TDRD5: variants seen among roughly 807,000 people sequenced by gnomAD.
The protein encoded by TDRD5 is tudor domain-containing protein 5.
A neutral mutation model predicts 120.6 loss-of-function variants in TDRD5; 41 were observed. The observed-to-expected ratio is 0.34, with a 90% CI of 0.26 to 0.44. The LOEUF (loss-of-function observed/expected upper bound fraction) is 0.44. Ranked by LOEUF, TDRD5 falls within the 20% of genes least tolerant of loss-of-function variation. TDRD5 has a pLI of 1.00. For synonymous variants in TDRD5, 430 were observed against 433.7 expected, an observed-to-expected ratio of 0.99 and a Z score of 0.11; for missense variants, 1,006 against 1,221.2, an observed-to-expected ratio of 0.82 and a Z score of 2.63.
intron 4 of TDRD5, among the ~76,000 whole-genome samples, chr1:179,617,999 T>G (rs1676648718): frequency 6.6e-6 from 1 of 152,180 alleles, no homozygotes; most frequent in South Asian, 2.1e-4. Flanking sequence ...ACCTCCCTCC[T>G]CTTTCCTTTT....
intron 17 of TDRD5, among the ~76,000 whole-genome samples, chr1:179,689,898 TG>T (rs1681024880): frequency 1.3e-5 from 2 of 152,188 alleles, no homozygotes; most frequent in Non-Finnish European, 2.9e-5. Context: ...CTACGAGTGT[TG>T]GAAAAGTGCA....
chr1:179,592,554 T>C lies in TDRD5; in HGVS notation c.-14-48T>C, dbSNP rs1329002471. On this transcript the variant is annotated intron_variant, in intron 1 of 17. Transcript: ENST00000444136. ...CCACTATTGGTTTTTTTTTAAATCT[T>C]TTTTCGTGGGTTTGCCCCCTTTTCC... 4.1e-6 allele frequency: 6 copies of C among 1,473,658 alleles called. 1 individual carries two copies. In the African/African-American group the frequency reaches 8.4e-5, roughly 21 times the overall value. 91.3% of individuals were successfully genotyped at this position (1,473,658 alleles called of 1,614,324 possible). A position where few individuals can be genotyped will look rare whatever the true frequency, so the allele number is the denominator to read the frequency against.
chr1:179,678,727 A>G (rs772975184), intron 17 of TDRD5, among the ~76,000 whole-genome samples: 14 of 152,154 alleles, frequency 9.2e-5, no homozygotes, highest in Non-Finnish European at 1.0e-4. Flanking sequence ...GTATATAGAA[A>G]TATAGTTGGT....
At chr1:179,647,030 G>T (rs896870482) in intron 11 of TDRD5, among the ~76,000 whole-genome samples, 1 of 150,196 alleles carries the variant, frequency 6.7e-6, no homozygotes, top group African/African-American at 2.5e-5. Flanking sequence ...ACTGCCCAAG[G>T]TAATTTACAG....
intron 4 of TDRD5, among the ~76,000 whole-genome samples, chr1:179,611,260 C>G (rs1198520144): frequency 6.6e-6 from 1 of 151,942 alleles, no homozygotes; most frequent in Non-Finnish European, 1.5e-5. Context: ...TCATGTTGGC[C>G]AGGTTGGTCT....
intron 17 of TDRD5, among the ~76,000 whole-genome samples, chr1:179,678,320 C>T (rs1225211349): frequency 1.3e-5 from 2 of 152,140 alleles, no homozygotes; most frequent in Non-Finnish European, 1.5e-5. Context: ...GAGAATTTGC[C>T]CCAGACCATG....
chr1:179,629,360 A>G (rs1677310603), intron 6 of TDRD5, among the ~76,000 whole-genome samples: 1 of 152,224 alleles, frequency 6.6e-6, no homozygotes, highest in South Asian at 2.1e-4. Flanking sequence ...GAGAATACAT[A>G]TTAGAAGGTC....
At chr1:179,620,937 T>G (rs1455802857) in intron 5 of TDRD5, 98 bp from the exon 6 acceptor site, 9 of 946,148 alleles carry the variant, frequency 9.5e-6, no homozygotes, top group African/African-American at 1.8e-5. Flanking sequence ...TTTAATAATG[T>G]TACTTTTGCC....
At chr1:179,605,361 C>A (rs1437463197) in intron 4 of TDRD5, among the ~76,000 whole-genome samples, 1 of 152,046 alleles carries the variant, frequency 6.6e-6, no homozygotes, top group African/African-American at 2.4e-5. Context: ...GCATTTAGGC[C>A]ATTTGCATTC....
intron 14 of TDRD5, among the ~76,000 whole-genome samples, chr1:179,658,465 A>G (rs562800834): frequency 2.0e-5 from 3 of 152,274 alleles, no homozygotes; most frequent in South Asian, 4.1e-4. Context: ...CAAATCAGCT[A>G]TTTTATCTTA....
intron 16 of TDRD5, among the ~76,000 whole-genome samples, 161 bp from the exon 17 acceptor site, chr1:179,669,033 C>T (rs951189751): frequency 2.0e-5 from 3 of 151,940 alleles, no homozygotes; most frequent in Admixed American, 1.3e-4. Flanking sequence ...CGTGAGCCAC[C>T]GCGCCCGGCT....
intron 6 of TDRD5, among the ~76,000 whole-genome samples, chr1:179,625,946 C>T (rs1203101180): frequency 6.6e-6 from 1 of 151,880 alleles, no homozygotes; most frequent in African/African-American, 2.4e-5. Flanking sequence ...TCATCATTCT[C>T]AGTAAACCAT....
At chr1:179,684,229 G>A (rs1680580765) in intron 17 of TDRD5, among the ~76,000 whole-genome samples, 1 of 152,120 alleles carries the variant, frequency 6.6e-6, no homozygotes, top group African/African-American at 2.4e-5. Flanking sequence ...CCCGGTGTGT[G>A]ATGTTCCCCA....
chr1:179,621,825 CA>C, intron 6 of TDRD5, among the ~76,000 whole-genome samples: 1 of 152,236 alleles, frequency 6.6e-6, no homozygotes, highest in East Asian at 1.9e-4. Flanking sequence ...GGCATATGTT[CA>C]TTTTGTTTTC....
chr1:179,690,561 A>AT (rs1488045004), intron 17 of TDRD5, 135 bp from the exon 18 acceptor site: 1 of 1,185,608 alleles, frequency 8.4e-7, no homozygotes, highest in Non-Finnish European at 1.2e-6. Flanking sequence ...ATCTTCTCTG[A>AT]TTAGCCATTG....
chr1:179,600,731 C>A (rs896324284), intron 4 of TDRD5, among the ~76,000 whole-genome samples: 2 of 151,998 alleles, frequency 1.3e-5, no homozygotes, highest in African/African-American at 4.8e-5. Context: ...ATTTTGCTCC[C>A]TTTTTAATGT....
At chr1:179,647,997 T>C (rs1678484144) in intron 11 of TDRD5, among the ~76,000 whole-genome samples, 3 of 152,120 alleles carry the variant, frequency 2.0e-5, no homozygotes, top group Admixed American at 1.3e-4. Flanking sequence ...ACACTGTTGG[T>C]GGGACTGTTA....
chr1:179,689,753 C>T lies in TDRD5; in HGVS notation c.2861-943C>T, dbSNP rs529171167. ...TTACCTACTCAAACCTCAGCAATGG[C>T]GGGCACCCCTCCCCCAGCCTCACTG... is the stretch of plus-strand genomic sequence containing the variant. On this transcript the variant is annotated intron_variant, in intron 17 of 17. Transcript: ENST00000444136. Among the ~76,000 whole-genome samples, 56 of 152,304 alleles carry T rather than the reference C, an allele frequency of 3.7e-4. 1 individual carries two copies. Among genetic ancestry groups the T allele is most frequent in the Middle Eastern group, 6.8e-3 (2 of 294 alleles).
intron 16 of TDRD5, among the ~76,000 whole-genome samples, chr1:179,665,461 A>G (rs997438702): frequency 6.6e-6 from 1 of 152,174 alleles, no homozygotes; most frequent in Admixed American, 6.5e-5. Context: ...TTGCATGTGG[A>G]CATTCAGCTG....
Sources: gnomAD v4.1 joint callset for allele counts (sites outside exome capture counted in the v4.1 genomes callset) on GRCh38, gnomAD v4.1.1 for gene constraint, MANE v1.5 for transcripts, NCBI Gene and HGNC (gene_info 2026-07-23, HGNC 2026-07-21) for gene names.